The following LINC00632 variants were observed in gnomAD, a reference collection of about 807,000 sequenced individuals.
The protein encoded by LINC00632 is ALDOA related specific transcript.
At position 140,790,619 on chromosome X, in the gene LINC00632, T is replaced by C. The variant is rs754499668; in HGVS notation, n.18638T>C. ...AATCCCTTGGAAATGCTTCAGACCT[T>C]TGAGTAACATGTCAAGAACTGCCAT... On this transcript the variant is annotated non_coding_transcript_exon_variant, in exon 5 of 5. Transcript: ENST00000648200. 3.1e-4 allele frequency among the ~76,000 whole-genome samples: 34 copies of C among 111,320 alleles called. No individual in the cohort carries two copies. In the East Asian group the frequency reaches 6.5e-3, roughly 21 times the overall value.
In LINC00632 at chrX:140,713,816, C is replaced by T. The variant is rs764132261; in HGVS notation, n.104+2160C>T. The T allele has an allele frequency of 1.5e-3, 485 of 321,487 alleles. 2 individuals are homozygous for T. Among genetic ancestry groups the T allele is most frequent in the South Asian group, 0.013 (467 of 35,641 alleles). The allele number at this position is 321,487 out of a possible 1,213,427, so 26.5% of individuals were successfully genotyped here. On this transcript the variant is annotated intron_variant and non_coding_transcript_variant, in intron 2 of 4. Transcript: ENST00000648200. ...ACTCACCTGAGGCACACTGATGCAC[C>T]CCGCATGACACAGACTTGCCCCCCC...
intron 3 of LINC00632, among the ~76,000 whole-genome samples, chrX:140,750,257 G>A (rs1931390354): frequency 9.0e-6 from 1 of 110,554 alleles, no homozygotes; most frequent in Non-Finnish European, 1.9e-5. Context: ...TGTTTGCCAG[G>A]GGCTGGGGTA....
At chrX:140,748,931 A>G (rs910495) in intron 3 of LINC00632, among the ~76,000 whole-genome samples, 45,817 of 105,642 alleles carry the variant, frequency 0.43, 8,485 homozygotes, top group South Asian at 0.74. Flanking sequence ...TGATATATTT[A>G]TATATTGTGA....
exon 5 of LINC00632, among the ~76,000 whole-genome samples, chrX:140,779,218 C>T (rs946896043): frequency 1.2e-4 from 13 of 108,108 alleles, no homozygotes; most frequent in African/African-American, 3.0e-4. Context: ...ATGGAAATTT[C>T]GTTCTTTATA....
chrX:140,785,723 A>G (rs1409796726), exon 5 of LINC00632, among the ~76,000 whole-genome samples: 2 of 111,995 alleles, frequency 1.8e-5, no homozygotes, highest in African/African-American at 6.5e-5. Flanking sequence ...ATAAGGAAGC[A>G]CTGAGTTCAA....
chrX:140,760,743 C>A (rs1468079870), intron 3 of LINC00632, among the ~76,000 whole-genome samples: 1 of 111,215 alleles, frequency 9.0e-6, no homozygotes, highest in African/African-American at 3.3e-5. Flanking sequence ...ATATATATAT[C>A]TGGTCCTCAA....
chrX:140,713,938 A>G (rs1288116922), intron 2 of LINC00632: 1 of 262,739 alleles, frequency 3.8e-6, no homozygotes, highest in South Asian at 3.6e-5. Flanking sequence ...ATACAGACTT[A>G]CCCCATAGAA....
chrX:140,788,841 A>ATCTATATTCCATATATACACATATATG (rs1932061297), exon 5 of LINC00632, among the ~76,000 whole-genome samples: 3 of 102,336 alleles, frequency 2.9e-5, no homozygotes, highest in Admixed American at 1.1e-4. Flanking sequence ...ACATATATGT[A>ATCTATATTCCATATATACACATATATG]TATATGTATA....
intron 2 of LINC00632, among the ~76,000 whole-genome samples, chrX:140,718,250 A>G (rs1316892077): frequency 7.2e-5 from 8 of 111,158 alleles, no homozygotes; most frequent in Non-Finnish European, 1.5e-4. Flanking sequence ...TGTTGTCATT[A>G]CTCCACACGA....
intron 3 of LINC00632, among the ~76,000 whole-genome samples, chrX:140,753,716 T>C (rs1931445215): frequency 9.1e-6 from 1 of 109,844 alleles, no homozygotes; most frequent in African/African-American, 3.3e-5. Flanking sequence ...ATTCCAAATA[T>C]TGAAAATGAT....
chrX:140,723,476 T>TGC lies in LINC00632; in HGVS notation n.105-10402_105-10401insGC, dbSNP rs1930784018. 3.4e-3 allele frequency among the ~76,000 whole-genome samples: 3 copies of TGC among 894 alleles called. No homozygotes were observed. The Admixed American group carries it at 0.039, about 12-fold the overall frequency. 0.8% of individuals were successfully genotyped at this position (894 alleles called of 115,157 possible). A position where few individuals can be genotyped will look rare whatever the true frequency, so the allele number is the denominator to read the frequency against. On this transcript the variant is annotated intron_variant and non_coding_transcript_variant, in intron 2 of 4. Transcript: ENST00000648200. ...TCCACACACACACATTCCATACACA[T>TGC]ACACACACATTCCATACACGCACAC...
At chrX:140,732,578 A>G (rs1485788248) in intron 2 of LINC00632, among the ~76,000 whole-genome samples, 4 of 111,658 alleles carry the variant, frequency 3.6e-5, no homozygotes, top group African/African-American at 1.3e-4. Flanking sequence ...CTAAATGCAC[A>G]TTGAATATAT....
chrX:140,771,665 GTA>G lies in LINC00632; in HGVS notation n.192-393_192-392del, dbSNP rs1204741716. ...CACACATACATATATGTGTGTGTGT[GTA>G]TATATATATATATATATATTTTTTT... On this transcript the variant is annotated intron_variant and non_coding_transcript_variant, in intron 3 of 4. Transcript: ENST00000648200. Among the ~76,000 whole-genome samples, 56 of 41,034 alleles carry G rather than the reference GTA, an allele frequency of 1.4e-3. 1 individual carries two copies. Among genetic ancestry groups the G allele is most frequent in the African/African-American group, 6.2e-3 (50 of 8,124 alleles). The allele number at this position is 41,034 out of a possible 115,157, so 35.6% of individuals were successfully genotyped here.
chrX:140,782,831 C>T (rs902232688), exon 5 of LINC00632: 2 of 108,448 alleles, frequency 1.8e-5, no homozygotes, highest in Admixed American at 2.0e-4. Context: ...GTATTCTTGA[C>T]ATCCAGCATC....
At chrX:140,733,568 T>C (rs931227308) in intron 2 of LINC00632, among the ~76,000 whole-genome samples, 5 of 112,226 alleles carry the variant, frequency 4.5e-5, no homozygotes, top group African/African-American at 1.6e-4. Context: ...GTCATAGATG[T>C]TGCTGCTTAT....
At chrX:140,709,845 A>G (rs1431477600) in intron 1 of LINC00632, 1 of 337,537 alleles carries the variant, frequency 3.0e-6, no homozygotes, top group East Asian at 9.8e-5. Flanking sequence ...AGATATCCAG[A>G]CTAAGATTTT....
chrX:140,778,136 A>C (rs1450649067), exon 5 of LINC00632, among the ~76,000 whole-genome samples: 1 of 112,714 alleles, frequency 8.9e-6, no homozygotes, highest in Non-Finnish European at 1.9e-5. Context: ...TATTGTGTGT[A>C]AAATGCTAAT....
In LINC00632 at chrX:140,784,057, C is replaced by A. The variant is rs1354476771; in HGVS notation, n.12076C>A. ...AAAAAATCCGGGTCTTCCAGGAAAT[C>A]CGTGTCTTCCAGCAAGTCCACGTCT... On this transcript the variant is annotated non_coding_transcript_exon_variant, in exon 5 of 5. Coordinates refer to ENST00000648200, the Ensembl canonical transcript of LINC00632. 4 of 1,211,557 alleles carry A rather than the reference C, an allele frequency of 3.3e-6. No homozygotes were observed. Among genetic ancestry groups the A allele is most frequent in the Non-Finnish European group, 3.4e-6 (3 of 895,400 alleles).
At chrX:140,731,435 G>A (rs1337391272) in intron 2 of LINC00632, among the ~76,000 whole-genome samples, 2 of 111,243 alleles carry the variant, frequency 1.8e-5, no homozygotes, top group Admixed American at 1.9e-4. Context: ...TATGAGTTTG[G>A]TGTCTGTCAG....
Sources: allele counts gnomAD v4.1 joint callset (sites outside exome capture counted in the v4.1 genomes callset), GRCh38; gene constraint gnomAD v4.1.1; transcripts MANE v1.5; gene names NCBI Gene and HGNC (gene_info 2026-07-23, HGNC 2026-07-21).